Variants in RIMS1 observed in about 807,000 individuals in gnomAD.
The protein encoded by RIMS1 is regulating synaptic membrane exocytosis 1.
RIMS1 carries 83 observed loss-of-function variants against 214.1 expected under a neutral mutation model. That is an observed-to-expected ratio of 0.39 (90% CI 0.32 to 0.47). The LOEUF (loss-of-function observed/expected upper bound fraction) is 0.47. Among genes scored for constraint, RIMS1 ranks in the 20% least tolerant of loss-of-function variants. The probability of loss-of-function intolerance (pLI) is 0.99; values close to 1 mark genes in which losing one functional copy is unlikely to be tolerated. For synonymous variants in RIMS1, 793 were observed against 786.8 expected, an observed-to-expected ratio of 1.01 and a Z score of -0.13; for missense variants, 2,050 against 2,161.8, an observed-to-expected ratio of 0.95 and a Z score of 1.03.
chr6:72,210,637 T>C (rs2053642892), intron 6 of RIMS1, among the ~76,000 whole-genome samples: 1 of 152,058 alleles, frequency 6.6e-6, no homozygotes, highest in African/African-American at 2.4e-5. Flanking sequence ...TAAGTGAGAG[T>C]CCCCAAATTT....
intron 2 of RIMS1, among the ~76,000 whole-genome samples, chr6:72,030,360 T>C (rs911300863): frequency 6.6e-6 from 1 of 152,206 alleles, no homozygotes; most frequent in Admixed American, 6.6e-5. Context: ...ACTTTATCTA[T>C]AATTTTAGCA....
At chr6:72,128,291 G>A (rs2039919433) in intron 4 of RIMS1, among the ~76,000 whole-genome samples, 1 of 152,044 alleles carries the variant, frequency 6.6e-6, no homozygotes, top group Non-Finnish European at 1.5e-5. Context: ...TGAATTAAAT[G>A]CTCCAAGAAA....
chr6:72,347,499 T>C (rs16882329), intron 29 of RIMS1, among the ~76,000 whole-genome samples: 2,269 of 152,034 alleles, frequency 0.015, 43 homozygotes, highest in African/African-American at 0.052. Context: ...CTTATTTTAA[T>C]AATTTAACTT....
intron 26 of RIMS1, among the ~76,000 whole-genome samples, chr6:72,301,572 A>G (rs2094606473): frequency 6.6e-6 from 1 of 151,676 alleles, no homozygotes; most frequent in Non-Finnish European, 1.5e-5. Context: ...TATTCTATAA[A>G]CAATACAGTA....
chr6:72,378,456 T>G (rs2098428099), intron 29 of RIMS1, among the ~76,000 whole-genome samples: 2 of 152,228 alleles, frequency 1.3e-5, no homozygotes, highest in African/African-American at 2.4e-5. Flanking sequence ...TATCTATAAC[T>G]TGTGCAGTAC....
chr6:72,019,095 A>C (rs1466570882), intron 2 of RIMS1, among the ~76,000 whole-genome samples: 1 of 152,176 alleles, frequency 6.6e-6, no homozygotes, highest in African/African-American at 2.4e-5. Flanking sequence ...GGCTCTTACT[A>C]TATTTTCATA....
Position 72,109,103 on chromosome 6 carries a change from T to A in RIMS1, c.471+9117T>A, listed in dbSNP as rs1361110297. Among the ~76,000 whole-genome samples the A allele has an allele frequency of 4.6e-5, 7 of 152,276 alleles. No individual in the cohort carries two copies. In the East Asian group the frequency reaches 9.6e-4, roughly 21 times the overall value. On this transcript the variant is annotated intron_variant, in intron 4 of 33. Transcript: ENST00000521978. ...ATTTTCTTAATCCAGTCTATCATTG[T>A]TGGACATTTGGGTTGGTTCCAAGTC...
In RIMS1 at chr6:72,182,265, G is replaced by A. The variant is rs776869619; in HGVS notation, c.813-19G>A. 1.3e-6 allele frequency: 2 copies of A among 1,538,078 alleles called. No homozygotes were observed. Among genetic ancestry groups the A allele is most frequent in the Non-Finnish European group, 1.7e-6 (2 of 1,147,148 alleles). On this transcript the variant is annotated intron_variant, in intron 5 of 33. Coordinates refer to ENST00000521978, the MANE Select transcript of RIMS1 (RefSeq NM_014989.7). ...GTCTTTATAAATTGCTCTCCTTGAC[G>A]TTCCTTTGTATATCATAGAAAGAAG...
At chr6:71,968,889 C>G (rs1795123974) in intron 1 of RIMS1, 94 bp from the exon 2 acceptor site, 9 of 1,269,272 alleles carry the variant, frequency 7.1e-6, no homozygotes, top group Non-Finnish European at 2.3e-6. Context: ...AAGACTTTCC[C>G]TTAGAGTGTT....
intron 23 of RIMS1, among the ~76,000 whole-genome samples, chr6:72,279,814 G>A (rs2089129317): frequency 6.6e-6 from 1 of 151,686 alleles, no homozygotes. Context: ...AAACTTTTGT[G>A]GACTAAGTTT....
intron 23 of RIMS1, among the ~76,000 whole-genome samples, chr6:72,277,271 G>A (rs903136879): frequency 2.0e-5 from 3 of 152,068 alleles, no homozygotes; most frequent in Non-Finnish European, 4.4e-5. Flanking sequence ...TTAACATGAA[G>A]GTACTTTTAT....
chr6:72,161,377 C>T (rs1212636766), intron 4 of RIMS1, among the ~76,000 whole-genome samples: 6 of 140,082 alleles, frequency 4.3e-5, no homozygotes, highest in African/African-American at 1.5e-4. Flanking sequence ...CTTTTTGTGT[C>T]TCTGTGTCCT....
At chr6:72,076,074 C>A (rs1354504744) in intron 2 of RIMS1, among the ~76,000 whole-genome samples, 2 of 152,016 alleles carry the variant, frequency 1.3e-5, no homozygotes, top group African/African-American at 4.8e-5. Flanking sequence ...AATTACTATT[C>A]CTAGGAATTT....
chr6:72,322,558 C>G (rs572948123), intron 28 of RIMS1, among the ~76,000 whole-genome samples: 1 of 152,098 alleles, frequency 6.6e-6, no homozygotes, highest in South Asian at 2.1e-4. Context: ...ACATATAAAA[C>G]TATAAAAGCT....
intron 2 of RIMS1, among the ~76,000 whole-genome samples, chr6:72,011,591 G>T (rs1374427616): frequency 6.6e-6 from 1 of 152,038 alleles, no homozygotes; most frequent in East Asian, 1.9e-4. Context: ...CTGACAAAGG[G>T]CTAATATCCA....
intron 4 of RIMS1, among the ~76,000 whole-genome samples, chr6:72,124,979 G>A (rs1364927778): frequency 6.6e-6 from 1 of 152,144 alleles, no homozygotes; most frequent in Admixed American, 6.5e-5. Context: ...GCCTACTTCT[G>A]TCAACTCGTC....
chr6:72,337,913 T>C (rs548312315), intron 29 of RIMS1, among the ~76,000 whole-genome samples: 227 of 151,084 alleles, frequency 1.5e-3, no homozygotes, highest in Non-Finnish European at 2.5e-3. Flanking sequence ...ATACAAAGGA[T>C]AAGAACTCAT....
At chr6:72,104,315 TTC>T (rs1386875713) in intron 4 of RIMS1, among the ~76,000 whole-genome samples, 2 of 152,162 alleles carry the variant, frequency 1.3e-5, no homozygotes, top group Non-Finnish European at 2.9e-5. Context: ...AGGCTATTCT[TTC>T]ATGGTGCATA....
At chr6:72,186,238 A>T (rs1226247443) in intron 6 of RIMS1, among the ~76,000 whole-genome samples, 7 of 152,262 alleles carry the variant, frequency 4.6e-5, no homozygotes, top group African/African-American at 9.6e-5. Flanking sequence ...CAAGTATTGT[A>T]TCAAGCAAGG....
Sources: gnomAD v4.1 joint callset for allele counts (sites outside exome capture counted in the v4.1 genomes callset) on GRCh38, gnomAD v4.1.1 for gene constraint, MANE v1.5 for transcripts, NCBI Gene and HGNC (gene_info 2026-07-23, HGNC 2026-07-21) for gene names.